GRM1: variants seen among roughly 807,000 people sequenced by gnomAD.
The protein encoded by GRM1 is metabotropic glutamate receptor 1.
A neutral mutation model predicts 90.9 loss-of-function variants in GRM1; 33 were observed. That is an observed-to-expected ratio of 0.36 (90% CI 0.28 to 0.49). GRM1 has a LOEUF of 0.49. Among genes scored for constraint, GRM1 ranks in the 20% least tolerant of loss-of-function variants. GRM1 has a pLI of 0.99. For missense variants in GRM1, 1,190 were observed against 1,534.3 expected, an observed-to-expected ratio of 0.78 and a Z score of 3.75; for synonymous variants, 700 against 613.2, an observed-to-expected ratio of 1.14 and a Z score of -2.09.
chr6:146,176,529 C>T (rs769417467), intron 2 of GRM1, among the ~76,000 whole-genome samples: 38 of 151,996 alleles, frequency 2.5e-4, no homozygotes, highest in Non-Finnish European at 4.4e-4. Context: ...AGTGTGTTGA[C>T]TTGTTCAAGA....
At chr6:146,301,056 C>CT (rs1283922156) in intron 2 of GRM1, among the ~76,000 whole-genome samples, 1 of 152,088 alleles carries the variant, frequency 6.6e-6, no homozygotes, top group African/African-American at 2.4e-5. Flanking sequence ...TTTCTAGTGA[C>CT]TTTTTTTCAT....
At chr6:146,318,558 A>C (rs1465693947) in intron 3 of GRM1, among the ~76,000 whole-genome samples, 4 of 152,232 alleles carry the variant, frequency 2.6e-5, no homozygotes, top group African/African-American at 9.6e-5. Flanking sequence ...TTCTGGTTCT[A>C]GGTCCTTGAG....
chr6:146,138,388 G>A (rs768506140), intron 1 of GRM1, among the ~76,000 whole-genome samples: 2 of 152,010 alleles, frequency 1.3e-5, no homozygotes, highest in Non-Finnish European at 2.9e-5. Context: ...TTCATCAAAT[G>A]CTTTTTCAGC....
At chr6:146,426,181 T>C (rs148658286) in intron 7 of GRM1, among the ~76,000 whole-genome samples, 24 of 119,414 alleles carry the variant, frequency 2.0e-4, no homozygotes, top group African/African-American at 6.9e-4. Flanking sequence ...CATAAACTCA[T>C]GCACTTCCTT....
At chr6:146,397,955 A>T (rs1336171183) in intron 6 of GRM1, among the ~76,000 whole-genome samples, 1 of 152,200 alleles carries the variant, frequency 6.6e-6, no homozygotes, top group African/African-American at 2.4e-5. Flanking sequence ...ATATTTTGTG[A>T]TTACAAAATT....
intron 1 of GRM1, among the ~76,000 whole-genome samples, chr6:146,091,168 G>GA (rs1004848530): frequency 1.3e-5 from 2 of 152,006 alleles, no homozygotes; most frequent in Non-Finnish European, 2.9e-5. Flanking sequence ...TTTGCTGTCT[G>GA]AAAAAAGAGA....
At chr6:146,190,739 A>G (rs1051902454) in intron 2 of GRM1, among the ~76,000 whole-genome samples, 1 of 152,062 alleles carries the variant, frequency 6.6e-6, no homozygotes, top group Admixed American at 6.6e-5. Context: ...TATTGCCACT[A>G]CTTCAGTTCA....
At chr6:146,285,249 A>C (rs1347980151) in intron 2 of GRM1, among the ~76,000 whole-genome samples, 1 of 152,108 alleles carries the variant, frequency 6.6e-6, no homozygotes, top group Non-Finnish European at 1.5e-5. Flanking sequence ...GATTTTCTCC[A>C]TCTCTGTTAA....
chr6:146,205,820 C>T (rs2114629866), intron 2 of GRM1, among the ~76,000 whole-genome samples: 1 of 152,300 alleles, frequency 6.6e-6, no homozygotes, highest in South Asian at 2.1e-4. Context: ...CCTTACCCTG[C>T]CCCTGTCCTG....
intron 2 of GRM1, among the ~76,000 whole-genome samples, chr6:146,225,679 A>G (rs1216141060): frequency 6.6e-6 from 1 of 152,188 alleles, no homozygotes; most frequent in African/African-American, 2.4e-5. Context: ...CAAATTTAAT[A>G]ATGAAAATAA....
chr6:146,231,884 A>G (rs1377821195), intron 2 of GRM1, among the ~76,000 whole-genome samples: 1 of 150,946 alleles, frequency 6.6e-6, no homozygotes, highest in Non-Finnish European at 1.5e-5. Context: ...GTTTTCTTGT[A>G]ATACCTTTGT....
intron 7 of GRM1, among the ~76,000 whole-genome samples, chr6:146,404,114 C>A (rs1405857674): frequency 2.6e-5 from 4 of 152,040 alleles, no homozygotes; most frequent in Admixed American, 2.0e-4. Flanking sequence ...CTTAATCACA[C>A]AATATATAGC....
chr6:146,060,162 T>A (rs946942684), intron 1 of GRM1, among the ~76,000 whole-genome samples: 11 of 152,130 alleles, frequency 7.2e-5, no homozygotes, highest in Non-Finnish European at 1.0e-4. Flanking sequence ...AGCTTAATCA[T>A]TTTTAACTTT....
intron 1 of GRM1, among the ~76,000 whole-genome samples, chr6:146,136,468 C>T (rs909414508): frequency 5.9e-5 from 9 of 152,178 alleles, no homozygotes; most frequent in African/African-American, 1.2e-4. Flanking sequence ...TGGAAAAAGC[C>T]ATTTTAACTG....
Position 146,307,630 on chromosome 6 carries a change from A to G in GRM1, c.1186+2784A>G, listed in dbSNP as rs151024647. On this transcript the variant is annotated intron_variant, in intron 3 of 7. Coordinates refer to ENST00000282753, the MANE Select transcript of GRM1 (RefSeq NM_001278064.2). ...CCATAATCTTCTAACAAATATGCAG[A>G]CACATCTATGAAAATTAGTGTGAGG... Among the ~76,000 whole-genome samples, 1,181 of 152,298 alleles carry G rather than the reference A, an allele frequency of 7.8e-3. 16 individuals are homozygous for G. Among genetic ancestry groups the G allele is most frequent in the African/African-American group, 0.027 (1,132 of 41,566 alleles).
intron 1 of GRM1, among the ~76,000 whole-genome samples, chr6:146,106,805 C>T (rs1775321664): frequency 6.6e-6 from 1 of 152,166 alleles, no homozygotes; most frequent in South Asian, 2.1e-4. Flanking sequence ...CTAACAAACA[C>T]CTTTGCCACA....
At chr6:146,124,750 C>A (rs1221319550) in intron 1 of GRM1, among the ~76,000 whole-genome samples, 1 of 151,978 alleles carries the variant, frequency 6.6e-6, no homozygotes, top group Non-Finnish European at 1.5e-5. Flanking sequence ...TAAAACAGAG[C>A]ATTTTTATAA....
At chr6:146,224,402 C>T (rs1232971110) in intron 2 of GRM1, among the ~76,000 whole-genome samples, 1 of 152,094 alleles carries the variant, frequency 6.6e-6, no homozygotes, top group African/African-American at 2.4e-5. Flanking sequence ...TAGTTCTAAT[C>T]TTATCCTAAC....
At chr6:146,237,256 A>T (rs1780681496) in intron 2 of GRM1, among the ~76,000 whole-genome samples, 1 of 152,076 alleles carries the variant, frequency 6.6e-6, no homozygotes, top group Non-Finnish European at 1.5e-5. Flanking sequence ...GGAAATGGGA[A>T]TTCCTTGATG....
Sources: gnomAD v4.1 joint callset for allele counts (sites outside exome capture counted in the v4.1 genomes callset) on GRCh38, gnomAD v4.1.1 for gene constraint, MANE v1.5 for transcripts, NCBI Gene and HGNC (gene_info 2026-07-23, HGNC 2026-07-21) for gene names.